The following PEX6 variants were observed in gnomAD, a reference collection of about 807,000 sequenced individuals.
PEX6 encodes peroxisomal biogenesis factor 6, also known as peroxisome biogenesis factor 6.
In PEX6, 55 loss-of-function variants were observed where a neutral mutation model predicts 85.6. The ratio of observed to expected loss-of-function variants is 0.64; its 90% confidence interval spans 0.52 to 0.80. The LOEUF (loss-of-function observed/expected upper bound fraction) is 0.80, where lower values mean the gene tolerates loss of function less well. PEX6 is among the 30% of genes least tolerant of loss of function. PEX6 has a pLI of 0.00. For synonymous variants in PEX6, 519 were observed against 549.1 expected, an observed-to-expected ratio of 0.95 and a Z score of 0.77; for missense variants, 1,099 against 1,260.3, an observed-to-expected ratio of 0.87 and a Z score of 1.94.
intron 6 of PEX6, 57 bp from the exon 7 acceptor site, chr6:42,968,555 A>G: frequency 1.4e-6 from 2 of 1,437,148 alleles, no homozygotes; most frequent in South Asian, 2.5e-5. Context: ...CAAGGGCAGG[A>G]GAATCAGGGG....
At position 42,964,374 on chromosome 6, in the gene PEX6, G is replaced by A; in HGVS notation, c.2904C>T (p.Leu968=). 6.2e-7 allele frequency: 1 copy of A among 1,613,878 alleles called. No individual in the cohort carries two copies. Among genetic ancestry groups the A allele is most frequent in the Non-Finnish European group, 8.5e-7 (1 of 1,180,030 alleles). ...ACTTGCGCTGGATGCGCTTGTACCG[G>A]AGCAGCTCCTGCTCACTGACTGAGG... The part of the protein sequence containing the change: ...LQPSVSEQEL[L]RYKRIQRKFA... Residue 968 remains leucine (L), a synonymous_variant, in exon 17 of 17, where the codon CTC becomes CTT. Coordinates refer to ENST00000304611, the MANE Select transcript of PEX6 (RefSeq NM_000287.4). The surrounding 1 kb of genome is among the most constrained non-coding windows in gnomAD (Gnocchi z 4.6).
Position 42,965,237 on chromosome 6 carries a change from G to GT in PEX6, c.2588+14dup. On this transcript the variant is annotated intron_variant, in intron 14 of 16. Coordinates refer to ENST00000304611, the MANE Select transcript of PEX6 (RefSeq NM_000287.4). The surrounding 1 kb of genome is among the most constrained non-coding windows in gnomAD (Gnocchi z 5.0). ...CACAAAATGAGGGTGGAGATGAGCA[G>GT]TACAAGGGGCCCACCTGCCAGGCCG... is the stretch of plus-strand genomic sequence containing the variant. 6.2e-7 allele frequency: 1 copy of GT among 1,610,538 alleles called. No individual in the cohort carries two copies. The highest frequency in any genetic ancestry group is 8.5e-7 in the Non-Finnish European group (1 of 1,176,634).
chr6:42,964,201 G>C lies in PEX6; in HGVS notation c.*134C>G. On this transcript the variant is annotated 3_prime_UTR_variant, in exon 17 of 17. Transcript: ENST00000304611. This position sits in a 1 kb window ranked among gnomAD's most constrained non-coding sequence, Gnocchi z 4.6. ...GTCTCAATGCCACTTTGCACCCTGG[G>C]ATCTCCTGGAGGGAGGTGGCCTCCA... 1 of 964,544 alleles carries C rather than the reference G, an allele frequency of 1.0e-6. No individual in the cohort carries two copies. Among genetic ancestry groups the C allele is most frequent in the Non-Finnish European group, 1.6e-6 (1 of 621,846 alleles). 59.7% of individuals were successfully genotyped at this position (964,544 alleles called of 1,614,324 possible).
Position 42,974,103 on chromosome 6 carries a change from G to A in PEX6, c.1047-17C>T, listed in dbSNP as rs1322953032. On this transcript the variant is annotated splice_polypyrimidine_tract_variant and intron_variant, in intron 2 of 16. Coordinates refer to ENST00000304611, the MANE Select transcript of PEX6 (RefSeq NM_000287.4). The stretch of plus-strand genomic sequence containing the variant: ...TGGACTACCCTGCAACACAGCAGTG[G>A]CCCTGGTCAGGTCACAATGGGAGTA... 6.2e-7 allele frequency: 1 copy of A among 1,601,094 alleles called. No individual in the cohort carries two copies. The highest frequency in any genetic ancestry group is 8.6e-7 in the Non-Finnish European group (1 of 1,168,350).
rs1461923346 is a variant in PEX6, at chr6:42,968,496, C to T, written c.1482G>A (p.Val494=). 1.3e-6 allele frequency: 2 copies of T among 1,568,786 alleles called. No individual in the cohort carries two copies. The highest frequency in any genetic ancestry group is 1.7e-6 in the Non-Finnish European group (2 of 1,156,392). The change falls in exon 7 of 17, where the codon GTG becomes GTA. Residue 494 remains valine (V), a splice_region_variant and synonymous_variant. Coordinates refer to ENST00000304611, the MANE Select transcript of PEX6 (RefSeq NM_000287.4). The part of the protein sequence containing the change: ...CSHLGLHLLK[V]PCSSLCAESS... ...TTTCTGCACAGAGGCTGGAGCAGGG[C>T]ACCTGGGGAGGGGATCCCAATGGGT...
chr6:42,969,122 C>T, intron 5 of PEX6, 137 bp from the exon 6 acceptor site: 1 of 681,602 alleles, frequency 1.5e-6, no homozygotes. Context: ...CAGGACAGGG[C>T]TGTCCCCATG....
In PEX6 at chr6:42,978,462, T is replaced by A; in HGVS notation, c.689A>T (p.Glu230Val). ...GTGCGGCTGTGAAGTGTTCGATGAC[T>A]CTCTGGCCTGGGCCACCCACACCCA... ...GEWVWVAQAR[E>V]SSNTSQPHLA... Residue 230 changes from glutamate (E) to valine (V), a missense_variant, in exon 1 of 17, where the codon GAG (glutamate) becomes GTG (valine). Around this residue, in one of 3 missense-constraint regions of PEX6, gnomAD observed 579 missense variants for 611.6 expected, o/e 0.95. Coordinates refer to ENST00000304611, the MANE Select transcript of PEX6 (RefSeq NM_000287.4). The A allele has an allele frequency of 6.2e-7, 1 of 1,614,074 alleles. No homozygotes were observed. Among genetic ancestry groups the A allele is most frequent in the Non-Finnish European group, 8.5e-7 (1 of 1,180,012 alleles).
At chr6:42,966,929 C>CT in intron 8 of PEX6, 71 bp from the exon 9 acceptor site, 1 of 1,153,424 alleles carries the variant, frequency 8.7e-7, no homozygotes, top group South Asian at 1.2e-5. Flanking sequence ...CGTCCCCCAG[C>CT]TAGAGCAGAG....
chr6:42,969,760 C>T lies in PEX6; in HGVS notation c.1275G>A (p.Glu425=), dbSNP rs1295439345. 6.2e-7 allele frequency: 1 copy of T among 1,613,986 alleles called. No homozygotes were observed. Among genetic ancestry groups the T allele is most frequent in the African/African-American group, 1.3e-5 (1 of 75,044 alleles). The change falls in exon 5 of 17, where the codon GAG becomes GAA. Residue 425 remains glutamate (E), a synonymous_variant. Coordinates refer to ENST00000304611, the MANE Select transcript of PEX6 (RefSeq NM_000287.4). ...TLSPVPWLPS[E]ESTLWSSLSP... ...ACAAACTGCTCCAGAGAGTGGATTC[C>T]TCTGAAGGGAGCCATGGAACAGGGC...
At position 42,976,094 on chromosome 6, in the gene PEX6, G is replaced by A. The variant is rs542322537; in HGVS notation, c.883-1056C>T. ...TTTTTAGTAGAGACGGGGTTTCACCGTGTTAGCCAGGATGGTCTCAATCTC... is the reference window on the plus strand; with the variant it reads ...TTTTTAGTAGAGACGGGGTTTCACCATGTTAGCCAGGATGGTCTCAATCTC... On this transcript the variant is annotated intron_variant, in intron 1 of 16. Coordinates refer to ENST00000304611, the MANE Select transcript of PEX6 (RefSeq NM_000287.4). 1.6e-3 allele frequency among the ~76,000 whole-genome samples: 247 copies of A among 150,836 alleles called. 3 individuals carry two copies. Among genetic ancestry groups the A allele is most frequent in the African/African-American group, 5.3e-3 (218 of 40,892 alleles).
chr6:42,974,146 A>C, intron 2 of PEX6, 60 bp from the exon 3 acceptor site: 7 of 1,285,510 alleles, frequency 5.4e-6, no homozygotes, highest in Non-Finnish European at 6.8e-6. Context: ...TGTGTTCATT[A>C]CCACATGTCC....
intron 6 of PEX6, 65 bp from the exon 7 acceptor site, chr6:42,968,563 G>GGGA: frequency 7.2e-7 from 1 of 1,389,428 alleles, no homozygotes; most frequent in Non-Finnish European, 1.0e-6. Flanking sequence ...GGAGAATCAG[G>GGGA]GGAGGAGGAG....
chr6:42,973,327 G>A (rs1302156438), intron 3 of PEX6, among the ~76,000 whole-genome samples: 1 of 151,952 alleles, frequency 6.6e-6, no homozygotes, highest in Non-Finnish European at 1.5e-5. Context: ...TCTTCTTAGT[G>A]CTTTGCTTTA....
At chr6:42,966,475 A>G (rs1390877739) in intron 10 of PEX6, 28 bp from the exon 11 acceptor site, 1 of 1,613,966 alleles carries the variant, frequency 6.2e-7, no homozygotes, top group African/African-American at 1.3e-5. Context: ...CGTGGTTGGG[A>G]TATGCTCTTG....
intron 2 of PEX6, 120 bp from the exon 3 acceptor site, chr6:42,974,206 C>A: frequency 1.3e-6 from 1 of 751,168 alleles, no homozygotes; most frequent in South Asian, 1.4e-5. Flanking sequence ...CCCAGAGATC[C>A]CACGCAGTTC....
At chr6:42,966,916 G>C in intron 8 of PEX6, 58 bp from the exon 9 acceptor site, 1 of 1,338,598 alleles carries the variant, frequency 7.5e-7, no homozygotes, top group Non-Finnish European at 1.1e-6. Context: ...AACCTTCAGG[G>C]ACCGTCCCCC....
chr6:42,968,238 C>T, intron 7 of PEX6, 52 bp downstream of exon 7: 1 of 1,501,656 alleles, frequency 6.7e-7, no homozygotes, highest in Non-Finnish European at 9.3e-7. Flanking sequence ...GTGTGAGCCA[C>T]CGCGCCCAGC....
chr6:42,978,213 CAG>C, intron 1 of PEX6, 54 bp downstream of exon 1: 1 of 1,584,086 alleles, frequency 6.3e-7, no homozygotes. Context: ...TTACCTAAGA[CAG>C]AGAAGAGGGT....
chr6:42,965,390 C>A lies in PEX6; in HGVS notation c.2472-22G>T. The A allele has an allele frequency of 1.3e-6, 2 of 1,563,552 alleles. No individual in the cohort carries two copies. The highest frequency in any genetic ancestry group is 1.8e-6 in the Non-Finnish European group (2 of 1,134,794). On this transcript the variant is annotated intron_variant, in intron 13 of 16. Transcript: ENST00000304611. The surrounding 1 kb of genome is among the most constrained non-coding windows in gnomAD (Gnocchi z 5.0). ...CACCCTGGAGAGAAGGGAGCAAGGG[C>A]AAGAGTCCTTGGTGTCCCCCTTAGA... is the stretch of plus-strand genomic sequence containing the variant.
Sources: allele counts gnomAD v4.1 joint callset (sites outside exome capture counted in the v4.1 genomes callset), GRCh38; gene constraint gnomAD v4.1.1; regional missense constraint gnomAD v4.1.1; non-coding constraint Gnocchi (gnomAD v3.1); transcripts MANE v1.5; gene names NCBI Gene and HGNC (gene_info 2026-07-23, HGNC 2026-07-21).